Variants in NLRC4 observed in about 807,000 individuals in gnomAD.
NLRC4 encodes NLR family CARD domain-containing protein 4.
NLRC4 carries 63 observed loss-of-function variants against 79.9 expected under a neutral mutation model. The ratio of observed to expected loss-of-function variants is 0.79; its 90% CI spans 0.64 to 0.97. The LOEUF (loss-of-function observed/expected upper bound fraction) is 0.97, where lower values mean the gene tolerates loss of function less well. NLRC4 is among the 50% of genes least tolerant of loss of function. The pLI, the probability that NLRC4 is intolerant of heterozygous loss-of-function variation, is 0.00. For synonymous variants in NLRC4, 461 were observed against 456.5 expected (o/e 1.01, Z -0.12); for missense variants, 1,074 against 1,215.2 (o/e 0.88, Z 1.73).
intron 8 of NLRC4, 114 bp downstream of exon 8, chr2:32,235,287 A>AT: frequency 1.3e-6 from 1 of 745,072 alleles, no homozygotes; most frequent in Non-Finnish European, 2.3e-6. Context: ...ACATATTTAT[A>AT]TTTTAAAAAA....
chr2:32,237,228 G>C (rs973570925), intron 6 of NLRC4, among the ~76,000 whole-genome samples: 3 of 152,108 alleles, frequency 2.0e-5, no homozygotes, highest in Non-Finnish European at 2.9e-5. Flanking sequence ...AGTTTTTCAT[G>C]AATATGTACT....
upstream of NLRC4, among the ~76,000 whole-genome samples, chr2:32,265,093 G>T (rs1395788776): frequency 6.6e-6 from 1 of 152,170 alleles, no homozygotes; most frequent in Non-Finnish European, 1.5e-5. Context: ...CACAACATAT[G>T]AATTCATTGC....
intron 8 of NLRC4, among the ~76,000 whole-genome samples, chr2:32,225,652 C>T (rs1253946414): frequency 6.6e-6 from 1 of 152,188 alleles, no homozygotes; most frequent in African/African-American, 2.4e-5. Flanking sequence ...AAAGCGTTAG[C>T]CCTACCCACC....
intron 5 of NLRC4, among the ~76,000 whole-genome samples, chr2:32,240,424 C>G: frequency 6.9e-6 from 1 of 145,310 alleles, no homozygotes; most frequent in Non-Finnish European, 1.5e-5. Context: ...AAAAAAAATC[C>G]AACACACGAG....
At chr2:32,236,200 A>G (rs1686668838) in intron 7 of NLRC4, 47 bp downstream of exon 7, 1 of 1,180,870 alleles carries the variant, frequency 8.5e-7, no homozygotes, top group South Asian at 1.3e-5. Context: ...TCGACTACCC[A>G]GTATACATAT....
In NLRC4 at chr2:32,232,753, G is replaced by A. The variant is rs549520429; in HGVS notation, c.2782+2648C>T. Among the ~76,000 whole-genome samples the A allele has an allele frequency of 2.6e-4, 40 of 152,310 alleles. 1 individual carries two copies. The highest frequency in any genetic ancestry group is 6.7e-4 in the African/African-American group (28 of 41,574). ...GCCTGAAAAATAGGTAGAAGGTAGC[G>A]GGATCGACGGACTGGAAGTCCCAGT... On this transcript the variant is annotated intron_variant, in intron 8 of 8. Coordinates refer to ENST00000402280, the MANE Select transcript of NLRC4 (RefSeq NM_001199138.2).
At chr2:32,238,441 A>G in intron 5 of NLRC4, 139 bp from the exon 6 acceptor site, 1 of 678,614 alleles carries the variant, frequency 1.5e-6, no homozygotes, top group East Asian at 2.8e-5. Flanking sequence ...TAAGTTACAA[A>G]GAATCAACGA....
chr2:32,261,316 C>CCTTTTTTTTTTTTTTTTTTT, intron 1 of NLRC4, among the ~76,000 whole-genome samples: 14 of 96,880 alleles, frequency 1.4e-4, no homozygotes, highest in African/African-American at 5.0e-4. Context: ...AGCCTCCCCC[C>CCTTTTTTTTTTTTTTTTTTT]TTTTGTTTTT....
chr2:32,261,316 C>CCCATTTTTTTTTTTTTTTTTTTTTTTTTT, intron 1 of NLRC4, among the ~76,000 whole-genome samples: 1 of 96,884 alleles, frequency 1.0e-5, no homozygotes, highest in Non-Finnish European at 2.1e-5. Context: ...AGCCTCCCCC[C>CCCATTTTTTTTTTTTTTTTTTTTTTTTTT]TTTTGTTTTT....
At position 32,238,141 on chromosome 2, in the gene NLRC4, T is replaced by G; in HGVS notation, c.2512A>C (p.Lys838Gln). ...VSCCLSANAV[K>Q]ILAQNLHNLV... Reference sequence around the variant, plus strand: ...TGGAAGCAACAGTTACCTAGGATTTTCACTGCATTTGCAGACAAGCAGCAG... The same window carrying G: ...TGGAAGCAACAGTTACCTAGGATTTGCACTGCATTTGCAGACAAGCAGCAG... Residue 838 changes from lysine (K) to glutamine (Q), a missense_variant, in exon 6 of 9, where the codon AAA (lysine) becomes CAA (glutamine). Physicochemically the swap from Lys to Gln is moderately conservative, Grantham distance 53. Coordinates refer to ENST00000402280, the MANE Select transcript of NLRC4 (RefSeq NM_001199138.2). 1 of 1,613,304 alleles carries G rather than the reference T, an allele frequency of 6.2e-7. No individual in the cohort carries two copies. Among genetic ancestry groups the G allele is most frequent in the Non-Finnish European group, 8.5e-7 (1 of 1,179,776 alleles).
intron 4 of NLRC4, among the ~76,000 whole-genome samples, chr2:32,248,545 C>T (rs1439035126): frequency 2.0e-5 from 3 of 152,164 alleles, no homozygotes; most frequent in Admixed American, 6.5e-5. Context: ...CTAGGCTGGG[C>T]GTGGTGGCTC....
intron 5 of NLRC4, 33 bp downstream of exon 5, chr2:32,241,000 A>T: frequency 7.6e-7 from 1 of 1,316,868 alleles, no homozygotes; most frequent in Non-Finnish European, 1.1e-6. Flanking sequence ...TATCAAACTT[A>T]CATTGATACA....
Position 32,228,767 on chromosome 2 carries a change from C to CT in NLRC4, c.2783-4003dup, listed in dbSNP as rs555858483. Among the ~76,000 whole-genome samples the CT allele has an allele frequency of 1.2e-3, 177 of 145,720 alleles. No homozygotes were observed. The South Asian group carries it at 0.013, about 11-fold the overall frequency. On this transcript the variant is annotated intron_variant, in intron 8 of 8. Transcript: ENST00000402280. The stretch of plus-strand genomic sequence containing the variant: ...AGAACATGAATAGGGTCTGCGATGG[C>CT]TTTTTTTTTTTCTTTTTTTGAGACA...
chr2:32,259,500 T>C (rs659239), intron 1 of NLRC4, among the ~76,000 whole-genome samples: 89,018 of 151,276 alleles, frequency 0.59, 26,498 homozygotes, highest in African/African-American at 0.62. Flanking sequence ...TTTTCTTGCA[T>C]ATTCAATGTA....
rs576872907 is a variant in NLRC4 at position 32,241,003 on chromosome 2, T to C, written c.2350+30A>G. Reference sequence around the variant, plus strand: ...AACTCCTCTTATTATCAAACTTACATTGATACAAATATGAGAACAGAAATC... The same window carrying C: ...AACTCCTCTTATTATCAAACTTACACTGATACAAATATGAGAACAGAAATC... On this transcript the variant is annotated intron_variant, in intron 5 of 8. Coordinates refer to ENST00000402280, the MANE Select transcript of NLRC4 (RefSeq NM_001199138.2). 1.2e-4 allele frequency: 160 copies of C among 1,347,390 alleles called. 3 individuals are homozygous for C. In the South Asian group the frequency reaches 1.8e-3, roughly 15 times the overall value. The allele number at this position is 1,347,390 out of a possible 1,614,324, so 83.5% of individuals were successfully genotyped here.
rs1241245832 is a variant in NLRC4, at chr2:32,238,261, A to C, written c.2392T>G (p.Leu798Val). 6.2e-7 allele frequency: 1 copy of C among 1,612,746 alleles called. No individual in the cohort carries two copies. Among genetic ancestry groups the C allele is most frequent in the Non-Finnish European group, 8.5e-7 (1 of 1,179,656 alleles). ...KNLKKMCLFH[L>V]THLSDIGEGM... Reference sequence around the variant, plus strand: ...TCTCCAATGTCAGACAAGTGGGTCAAATGAAATAAACACATCTTCTTCAGG... The same window carrying C: ...TCTCCAATGTCAGACAAGTGGGTCACATGAAATAAACACATCTTCTTCAGG... Residue 798 changes from leucine (L) to valine (V), a missense_variant, in exon 6 of 9, where the codon TTG becomes GTG. By Grantham distance (32) the Leu-to-Val change is conservative (BLOSUM62 1). Coordinates refer to ENST00000402280, the MANE Select transcript of NLRC4 (RefSeq NM_001199138.2).
At chr2:32,228,326 C>T (rs1273048758) in intron 8 of NLRC4, among the ~76,000 whole-genome samples, 1 of 152,030 alleles carries the variant, frequency 6.6e-6, no homozygotes, top group African/African-American at 2.4e-5. Flanking sequence ...ATGGAACTGC[C>T]CCCCGGGAAA....
intron 8 of NLRC4, among the ~76,000 whole-genome samples, chr2:32,231,029 T>C (rs1032570570): frequency 1.3e-5 from 2 of 152,250 alleles, no homozygotes; most frequent in Non-Finnish European, 2.9e-5. Flanking sequence ...TGGCTAATGA[T>C]ATTGATTATG....
intron 8 of NLRC4, among the ~76,000 whole-genome samples, chr2:32,233,134 GAGGAAGGAAGGAAGGAAGGAAGGAAGGA>G (rs763764067): frequency 0.017 from 569 of 33,684 alleles, 15 homozygotes; most frequent in African/African-American, 0.054. Flanking sequence ...GTGGGGGAGG[GAGGAAGGAAGGAAGGAAGGAAGGAAGGA>G]AGGAAGGAAG....
Sources: gnomAD v4.1 joint callset for allele counts (sites outside exome capture counted in the v4.1 genomes callset) on GRCh38, gnomAD v4.1.1 for gene constraint, MANE v1.5 for transcripts, NCBI Gene and HGNC (gene_info 2026-07-23, HGNC 2026-07-21) for gene names.